The following KCNIP4 variants were observed in gnomAD, a reference collection of about 807,000 sequenced individuals.
The protein encoded by KCNIP4 is potassium voltage-gated channel interacting protein 4.
KCNIP4 carries 12 observed loss-of-function variants against 34.0 expected under a neutral mutation model. That is an observed-to-expected ratio of 0.35 (90% CI 0.23 to 0.57). The LOEUF (loss-of-function observed/expected upper bound fraction) is 0.57, where lower values mean the gene tolerates loss of function less well. Among genes scored for constraint, KCNIP4 ranks in the 20% least tolerant of loss-of-function variants. The pLI is 0.83. For missense variants in KCNIP4, 238 were observed against 311.7 expected (o/e 0.76, Z 1.78); for synonymous variants, 124 against 102.2 (o/e 1.21, Z -1.29).
chr4:20,868,147 C>A (rs938511624), intron 2 of KCNIP4, among the ~76,000 whole-genome samples: 10 of 151,966 alleles, frequency 6.6e-5, no homozygotes, highest in Non-Finnish European at 1.3e-4. Flanking sequence ...CTTAAATCAA[C>A]AAGCTAAAAC....
chr4:21,085,157 T>C (rs1290733494), intron 1 of KCNIP4, among the ~76,000 whole-genome samples: 1 of 152,054 alleles, frequency 6.6e-6, no homozygotes, highest in Non-Finnish European at 1.5e-5. Flanking sequence ...GGGAGGTAAT[T>C]AGGTCACAAC....
intron 3 of KCNIP4, among the ~76,000 whole-genome samples, chr4:20,819,169 C>T (rs1716792868): frequency 6.6e-6 from 1 of 151,982 alleles, no homozygotes; most frequent in Admixed American, 6.6e-5. Flanking sequence ...CTTATGTTAT[C>T]TCACTTAATC....
chr4:21,576,399 G>A (rs1457531986), intron 1 of KCNIP4, among the ~76,000 whole-genome samples: 1 of 152,020 alleles, frequency 6.6e-6, no homozygotes, highest in Non-Finnish European at 1.5e-5. Context: ...ACAGTATTTT[G>A]CATTTTCTGC....
At chr4:21,516,822 GA>G (rs1243448860) in intron 1 of KCNIP4, among the ~76,000 whole-genome samples, 1 of 152,142 alleles carries the variant, frequency 6.6e-6, no homozygotes, top group African/African-American at 2.4e-5. Flanking sequence ...TTGTGCCTAG[GA>G]AAAGGAAGTT....
chr4:21,149,311 A>T (rs974750669), intron 1 of KCNIP4, among the ~76,000 whole-genome samples: 2 of 152,202 alleles, frequency 1.3e-5, no homozygotes, highest in Admixed American at 1.3e-4. Context: ...GGAATTAAAT[A>T]TTGAAAACTC....
intron 1 of KCNIP4, among the ~76,000 whole-genome samples, chr4:21,458,143 C>A (rs1402024082): frequency 1.8e-5 from 2 of 114,080 alleles, no homozygotes; most frequent in Non-Finnish European, 3.5e-5. Context: ...TCCCTCCCCC[C>A]TCCCCCCACC....
chr4:21,582,231 T>A (rs561448942), intron 1 of KCNIP4: 1 of 152,114 alleles, frequency 6.6e-6, no homozygotes, highest in African/African-American at 2.4e-5. Context: ...ATATTCAAAG[T>A]CATCTGACAA....
chr4:20,859,216 G>A (rs11943796), intron 2 of KCNIP4, among the ~76,000 whole-genome samples: 1,687 of 132,108 alleles, frequency 0.013, 27 homozygotes, highest in African/African-American at 0.042. Flanking sequence ...AGGAACACAG[G>A]AAACTGTTTG....
chr4:21,879,494 G>T (rs1009198931), intron 1 of KCNIP4, among the ~76,000 whole-genome samples: 1 of 152,176 alleles, frequency 6.6e-6, no homozygotes, highest in Non-Finnish European at 1.5e-5. Flanking sequence ...CTGGACTCCT[G>T]CATTCAGGCT....
At chr4:21,038,627 A>G (rs1279489331) in intron 1 of KCNIP4, among the ~76,000 whole-genome samples, 1 of 152,234 alleles carries the variant, frequency 6.6e-6, no homozygotes, top group Non-Finnish European at 1.5e-5. Context: ...TCTGAGTTCT[A>G]GCAAGCATTT....
intron 1 of KCNIP4, among the ~76,000 whole-genome samples, chr4:21,297,952 G>T (rs1171947033): frequency 6.6e-6 from 1 of 152,040 alleles, no homozygotes; most frequent in Admixed American, 6.6e-5. Flanking sequence ...CAGTCACAAT[G>T]AATGCCTTTT....
intron 1 of KCNIP4, among the ~76,000 whole-genome samples, chr4:21,259,997 C>G (rs6829425): frequency 0.28 from 42,639 of 151,558 alleles, 6,267 homozygotes; most frequent in South Asian, 0.33. Context: ...GTGATTGTTT[C>G]TTATCAGACC....
At chr4:20,932,704 A>G (rs1465920365) in intron 1 of KCNIP4, among the ~76,000 whole-genome samples, 1 of 152,196 alleles carries the variant, frequency 6.6e-6, no homozygotes, top group Non-Finnish European at 1.5e-5. Flanking sequence ...TAAAAAGTGT[A>G]CTTGTCAAAA....
chr4:20,747,709 C>T (rs930665916), intron 5 of KCNIP4, among the ~76,000 whole-genome samples: 2 of 152,054 alleles, frequency 1.3e-5, no homozygotes, highest in Non-Finnish European at 2.9e-5. Context: ...TGGGAGATGA[C>T]CTTTTGGGAT....
intron 1 of KCNIP4, among the ~76,000 whole-genome samples, chr4:21,331,943 T>C (rs73802564): frequency 0.022 from 3,402 of 152,190 alleles, 122 homozygotes; most frequent in African/African-American, 0.077. Context: ...CTTGTAACAA[T>C]GCATGGCACA....
intron 2 of KCNIP4, among the ~76,000 whole-genome samples, chr4:20,850,977 A>G (rs576936736): frequency 6.6e-6 from 1 of 152,184 alleles, no homozygotes; most frequent in Non-Finnish European, 1.5e-5. Context: ...GATTACGTCA[A>G]ACAAAAAGTT....
intron 1 of KCNIP4, among the ~76,000 whole-genome samples, chr4:21,126,856 G>T (rs1043949068): frequency 6.6e-6 from 1 of 152,100 alleles, no homozygotes; most frequent in Non-Finnish European, 1.5e-5. Context: ...TGAAAAATTT[G>T]CTTATTTAAA....
chr4:21,583,748 G>A (rs1741409095), intron 1 of KCNIP4, among the ~76,000 whole-genome samples: 1 of 151,886 alleles, frequency 6.6e-6, no homozygotes. Flanking sequence ...GATAAAGAAA[G>A]AAACCAAATG....
At chr4:21,753,498 T>C (rs1056464070) in intron 1 of KCNIP4, among the ~76,000 whole-genome samples, 1 of 152,148 alleles carries the variant, frequency 6.6e-6, no homozygotes, top group South Asian at 2.1e-4. Context: ...ATTAGTTGAA[T>C]GAATGAATAA....
Sources: allele counts gnomAD v4.1 joint callset (sites outside exome capture counted in the v4.1 genomes callset), GRCh38; gene constraint gnomAD v4.1.1; transcripts MANE v1.5; gene names NCBI Gene and HGNC (gene_info 2026-07-23, HGNC 2026-07-21).